PRDM6: variants seen among roughly 807,000 people sequenced by gnomAD.
The protein encoded by PRDM6 is putative histone-lysine N-methyltransferase PRDM6.
In PRDM6, 25 loss-of-function variants were observed where a neutral mutation model predicts 60.8. The ratio of observed to expected loss-of-function variants is 0.41; its 90% CI spans 0.30 to 0.57. PRDM6 has a LOEUF of 0.57. Among genes scored for constraint, PRDM6 ranks in the 20% least tolerant of loss-of-function variants. PRDM6 has a pLI of 0.27. For missense variants in PRDM6, 839 were observed against 821.3 expected (o/e 1.02, Z -0.26); for synonymous variants, 407 against 357.4 (o/e 1.14, Z -1.57).
chr5:123,187,705 G>T lies in PRDM6; in HGVS notation c.*504G>T, dbSNP rs1393825089. 1.9e-5 allele frequency: 3 copies of T among 155,810 alleles called. No homozygotes were observed. Among genetic ancestry groups the T allele is most frequent in the African/African-American group, 7.2e-5 (3 of 41,492 alleles). 9.7% of individuals were successfully genotyped at this position (155,810 alleles called of 1,614,324 possible). ...AGCGGGGACCACGGAAGCAGAGTGAGAGCCTTCGCTGAGTCAATGCTACCT... is the reference window on the plus strand; with the variant it reads ...AGCGGGGACCACGGAAGCAGAGTGATAGCCTTCGCTGAGTCAATGCTACCT... On this transcript the variant is annotated 3_prime_UTR_variant, in exon 8 of 8. Coordinates refer to ENST00000407847, the MANE Select transcript of PRDM6 (RefSeq NM_001136239.4).
At chr5:123,132,289 T>C (rs1385044734) in intron 3 of PRDM6, among the ~76,000 whole-genome samples, 1 of 152,170 alleles carries the variant, frequency 6.6e-6, no homozygotes. Context: ...AGAAACATCT[T>C]AGGCCTTTCA....
chr5:123,168,681 A>G (rs1325166898), intron 5 of PRDM6, among the ~76,000 whole-genome samples: 1 of 152,254 alleles, frequency 6.6e-6, no homozygotes, highest in Non-Finnish European at 1.5e-5. Flanking sequence ...CAAGGTTAAG[A>G]ACTGCCAACT....
rs928883426 is a variant in PRDM6, at chr5:123,148,286, C to A, written c.901-7598C>A. Among the ~76,000 whole-genome samples, 9 of 152,108 alleles carry A rather than the reference C, an allele frequency of 5.9e-5. No homozygotes were observed. In the East Asian group the frequency reaches 9.6e-4, roughly 16 times the overall value. On this transcript the variant is annotated intron_variant, in intron 3 of 7. Coordinates refer to ENST00000407847, the MANE Select transcript of PRDM6 (RefSeq NM_001136239.4). Reference sequence around the variant, plus strand: ...GAAAATACAGCAATGGTGTATATAACCATTACTCACTTATTTTATGGGGTA... The same window carrying A: ...GAAAATACAGCAATGGTGTATATAAACATTACTCACTTATTTTATGGGGTA...
chr5:123,146,316 C>T (rs949946653), intron 3 of PRDM6, among the ~76,000 whole-genome samples: 6 of 152,122 alleles, frequency 3.9e-5, no homozygotes, highest in African/African-American at 7.2e-5. Context: ...ACGTGTTGCA[C>T]GAGGCATATG....
intron 2 of PRDM6, among the ~76,000 whole-genome samples, chr5:123,094,020 A>C (rs996615524): frequency 6.6e-6 from 1 of 151,814 alleles, no homozygotes; most frequent in African/African-American, 2.4e-5. Context: ...CGCAGGGAAC[A>C]GGCTGGAAAC....
chr5:123,166,914 G>A (rs1765765439), intron 5 of PRDM6, among the ~76,000 whole-genome samples: 1 of 152,120 alleles, frequency 6.6e-6, no homozygotes, highest in Non-Finnish European at 1.5e-5. Flanking sequence ...GCTCAATATT[G>A]CTTCTTGCAG....
rs1766330574 is a variant in PRDM6, at chr5:123,188,077, T to C, written c.*876T>C. 1 of 152,142 alleles carries C rather than the reference T, an allele frequency of 6.6e-6. No individual in the cohort carries two copies. The highest frequency in any genetic ancestry group is 2.1e-4 in the South Asian group (1 of 4,820). 9.4% of individuals were successfully genotyped at this position (152,142 alleles called of 1,614,324 possible). On this transcript the variant is annotated 3_prime_UTR_variant, in exon 8 of 8. Coordinates refer to ENST00000407847, the MANE Select transcript of PRDM6 (RefSeq NM_001136239.4). ...GATAAGGTGTTAGGCTTCATTGTAA[T>C]TTTTTTAGTTGTTTCTGTGAAAGTG...
chr5:123,146,529 T>G (rs1372405583), intron 3 of PRDM6, among the ~76,000 whole-genome samples: 8 of 152,242 alleles, frequency 5.3e-5, no homozygotes, highest in Non-Finnish European at 1.2e-4. Context: ...TTTTTAAAAG[T>G]GGAGGAAGAT....
intron 6 of PRDM6, among the ~76,000 whole-genome samples, chr5:123,179,630 G>A (rs1306852498): frequency 6.6e-6 from 1 of 152,196 alleles, no homozygotes; most frequent in East Asian, 1.9e-4. Flanking sequence ...AGTATCAAGA[G>A]CTTGTGTCCC....
intron 3 of PRDM6, among the ~76,000 whole-genome samples, chr5:123,115,211 C>CG (rs1764407325): frequency 6.6e-6 from 1 of 152,156 alleles, no homozygotes; most frequent in Non-Finnish European, 1.5e-5. Flanking sequence ...AAGAGCCTTA[C>CG]GTTTGCCTTC....
chr5:123,102,901 TTATACACA>T (rs980992649), intron 3 of PRDM6, among the ~76,000 whole-genome samples: 1 of 152,094 alleles, frequency 6.6e-6, no homozygotes, highest in Non-Finnish European at 1.5e-5. Flanking sequence ...TTGTACTTTA[TTATACACA>T]TGAAGGCTTA....
chr5:123,131,189 G>C (rs1764826648), intron 3 of PRDM6, among the ~76,000 whole-genome samples: 1 of 152,168 alleles, frequency 6.6e-6, no homozygotes. Flanking sequence ...AAGGCTAGTA[G>C]GGAGGGGAGA....
At chr5:123,165,131 C>A (rs78064158) in intron 5 of PRDM6, among the ~76,000 whole-genome samples, 3,707 of 152,256 alleles carry the variant, frequency 0.024, 146 homozygotes, top group African/African-American at 0.08. Flanking sequence ...GACAGGTACT[C>A]CCAGATTTCC....
chr5:123,121,377 C>A (rs1764577803), intron 3 of PRDM6, among the ~76,000 whole-genome samples: 1 of 151,466 alleles, frequency 6.6e-6, no homozygotes, highest in Non-Finnish European at 1.5e-5. Flanking sequence ...GTTGTTTTTT[C>A]TTTTTGTTTT....
At chr5:123,184,330 T>G (rs1167584318) in intron 7 of PRDM6, among the ~76,000 whole-genome samples, 3 of 152,036 alleles carry the variant, frequency 2.0e-5, no homozygotes, top group Non-Finnish European at 2.9e-5. Context: ...TAAGTCTAAT[T>G]AAGATGCTCA....
chr5:123,104,728 G>C (rs1764169538), intron 3 of PRDM6, among the ~76,000 whole-genome samples: 1 of 152,044 alleles, frequency 6.6e-6, no homozygotes. Context: ...TATCTCTCTG[G>C]CTTTGCCTCA....
At chr5:123,150,730 T>G (rs1231185640) in intron 3 of PRDM6, among the ~76,000 whole-genome samples, 1 of 152,172 alleles carries the variant, frequency 6.6e-6, no homozygotes, top group Non-Finnish European at 1.5e-5. Flanking sequence ...AGAAACGGTG[T>G]CTTTTTATCT....
intron 3 of PRDM6, among the ~76,000 whole-genome samples, chr5:123,102,890 G>C (rs891261216): frequency 1.3e-5 from 2 of 151,876 alleles, no homozygotes; most frequent in African/African-American, 4.8e-5. Flanking sequence ...TTTTAGTATG[G>C]TTGTACTTTA....
At chr5:123,100,032 G>A (rs1764063750) in intron 3 of PRDM6, 71 bp downstream of exon 3, 1 of 1,417,454 alleles carries the variant, frequency 7.1e-7, no homozygotes, top group African/African-American at 1.5e-5. Flanking sequence ...TTGGCCGGCA[G>A]GGAGCCTGGC....
Sources: allele counts gnomAD v4.1 joint callset (sites outside exome capture counted in the v4.1 genomes callset), GRCh38; gene constraint gnomAD v4.1.1; transcripts MANE v1.5; gene names NCBI Gene and HGNC (gene_info 2026-07-23, HGNC 2026-07-21).